PCDHGA3: variants seen among roughly 807,000 people sequenced by gnomAD.
PCDHGA3 encodes protocadherin gamma-A3.
Under a neutral mutation model 58.5 loss-of-function variants are expected in PCDHGA3, and 40 were observed. The observed-to-expected ratio is 0.68, with a 90% confidence interval of 0.53 to 0.89. The LOEUF is 0.89. Among genes scored for constraint, PCDHGA3 ranks in the 40% least tolerant of loss-of-function variants. PCDHGA3 has a pLI of 0.00. For synonymous variants in PCDHGA3, 530 were observed against 525.7 expected (o/e 1.01, Z -0.11); for missense variants, 1,223 against 1,195.9 (o/e 1.02, Z -0.33).
chr5:141,457,701 G>A (rs1341216514), intron 1 of PCDHGA3, among the ~76,000 whole-genome samples: 1 of 152,222 alleles, frequency 6.6e-6, no homozygotes, highest in Admixed American at 6.5e-5. Context: ...TGGCTTTGAT[G>A]AAACACTGTT....
At chr5:141,454,796 ATTTTTTT>A (rs61612330) in intron 1 of PCDHGA3, among the ~76,000 whole-genome samples, 2,943 of 77,244 alleles carry the variant, frequency 0.038, 52 homozygotes, top group African/African-American at 0.09. Context: ...CATGGTTCTA[ATTTTTTT>A]TTTTTTTTTT....
intron 1 of PCDHGA3, among the ~76,000 whole-genome samples, chr5:141,358,954 AT>A (rs1761073251): frequency 6.6e-6 from 1 of 152,182 alleles, no homozygotes; most frequent in South Asian, 2.1e-4. Flanking sequence ...TTGTGCTTTC[AT>A]TTAGGTTCTG....
At chr5:141,458,459 A>G (rs1232004043) in intron 1 of PCDHGA3, among the ~76,000 whole-genome samples, 1 of 152,006 alleles carries the variant, frequency 6.6e-6, no homozygotes, top group African/African-American at 2.4e-5. Flanking sequence ...AATTTTTAAA[A>G]TACCGTACAA....
At chr5:141,505,323 G>C in intron 2 of PCDHGA3, 70 bp from the exon 3 acceptor site, 1 of 1,606,758 alleles carries the variant, frequency 6.2e-7, no homozygotes, top group South Asian at 1.1e-5. Flanking sequence ...GGGAGCCCTG[G>C]GAGAGGACAG....
At chr5:141,503,675 T>C (rs1233495836) in intron 2 of PCDHGA3, among the ~76,000 whole-genome samples, 1 of 152,104 alleles carries the variant, frequency 6.6e-6, no homozygotes. Flanking sequence ...CTTCCCACTT[T>C]TGGGAAGGAG....
chr5:141,350,598 T>C (rs1325007688), intron 1 of PCDHGA3: 5 of 1,613,884 alleles, frequency 3.1e-6, no homozygotes, highest in Admixed American at 1.7e-5. Context: ...CCAATGAATG[T>C]TTTCCACGTG....
chr5:141,409,188 C>T lies in PCDHGA3; in HGVS notation c.2424+62731C>T, dbSNP rs1487313582. ...GCGAAGGACGGAGGTGGTCTCTCTA[C>T]CCAGTGTAAAGTAATCATAGAAATC... On this transcript the variant is annotated intron_variant, in intron 1 of 3. Transcript: ENST00000253812. 9 of 1,613,880 alleles carry T rather than the reference C, an allele frequency of 5.6e-6. No homozygotes were observed. In the Admixed American group the frequency reaches 8.3e-5, roughly 15 times the overall value.
chr5:141,356,031 G>A (rs759003895), intron 1 of PCDHGA3: 23 of 1,613,836 alleles, frequency 1.4e-5, no homozygotes, highest in Non-Finnish European at 1.6e-5. Flanking sequence ...ATGGAGACGT[G>A]ACGTATTCTT....
rs1761787404 is a variant in PCDHGA3 at position 141,360,887 on chromosome 5, T to C, written c.2424+14430T>C. The C allele has an allele frequency of 2.5e-6, 4 of 1,613,900 alleles. No individual in the cohort carries two copies. The South Asian group carries it at 4.4e-5, about 18-fold the overall frequency. ...AGCCAGGACGTGTACAGGGTCACCC[T>C]GAGGGAGGACGTGCCGCCGGGCTTC... On this transcript the variant is annotated intron_variant, in intron 1 of 3. Transcript: ENST00000253812.
chr5:141,375,038 G>A (rs1771073387), intron 1 of PCDHGA3: 1 of 1,614,038 alleles, frequency 6.2e-7, no homozygotes, highest in Non-Finnish European at 8.5e-7. Context: ...TGAGCTGGGT[G>A]TTGAAGCCCG....
chr5:141,431,719 A>G lies in PCDHGA3; in HGVS notation c.2425-63088A>G. On this transcript the variant is annotated intron_variant, in intron 1 of 3. Transcript: ENST00000253812. This position sits in a 1 kb window ranked among gnomAD's most constrained non-coding sequence, Gnocchi z 4.8. ...CAGGATTCTACCAGATGGAAGTGCA[A>G]GCAATGGATAATGCAGGATATTCTG... 6.2e-7 allele frequency: 1 copy of G among 1,614,244 alleles called. No individual in the cohort carries two copies. Among genetic ancestry groups the G allele is most frequent in the Non-Finnish European group, 8.5e-7 (1 of 1,180,050 alleles).
In PCDHGA3 at chr5:141,409,031, A is replaced by G. The variant is rs748995883; in HGVS notation, c.2424+62574A>G. The G allele has an allele frequency of 1.2e-6, 2 of 1,614,032 alleles. No individual in the cohort carries two copies. The highest frequency in any genetic ancestry group is 1.7e-6 in the Non-Finnish European group (2 of 1,179,904). The stretch of plus-strand genomic sequence containing the variant: ...CCAGGATGAGGGGGTCAATGCTGAG[A>G]TAAACTACTACTTCCGAAGCACTGC... On this transcript the variant is annotated intron_variant, in intron 1 of 3. Transcript: ENST00000253812.
rs760878091 is a variant in PCDHGA3 at position 141,476,406 on chromosome 5, T to A, written c.2425-18401T>A. The A allele has an allele frequency of 6.2e-7, 1 of 1,614,054 alleles. No individual in the cohort carries two copies. The highest frequency in any genetic ancestry group is 8.5e-7 in the Non-Finnish European group (1 of 1,180,002). On this transcript the variant is annotated intron_variant, in intron 1 of 3. Transcript: ENST00000253812. The surrounding 1 kb of genome is among the most constrained non-coding windows in gnomAD (Gnocchi z 7.6). Reference sequence around the variant, plus strand: ...AACGACCGTCTGGATCGAGAGGAGCTGTGTGGGACACTGCCCTCTTGCACT... The same window carrying A: ...AACGACCGTCTGGATCGAGAGGAGCAGTGTGGGACACTGCCCTCTTGCACT...
At chr5:141,426,022 T>A (rs1174153557) in intron 1 of PCDHGA3, among the ~76,000 whole-genome samples, 3 of 152,204 alleles carry the variant, frequency 2.0e-5, no homozygotes, top group Admixed American at 2.0e-4. Flanking sequence ...GTTTTCTAAA[T>A]AGACTCAGAG....
Position 141,408,922 on chromosome 5 carries a change from G to A in PCDHGA3, c.2424+62465G>A, listed in dbSNP as rs762449366. ...TCAAGGATACCAATGATAACCCCCC[G>A]GTTTTCAGCAGAGACGAATATAGAA... On this transcript the variant is annotated intron_variant, in intron 1 of 3. Coordinates refer to ENST00000253812, the MANE Select transcript of PCDHGA3 (RefSeq NM_018916.4). 3.7e-6 allele frequency: 6 copies of A among 1,613,104 alleles called. No homozygotes were observed. In the Admixed American group the frequency reaches 8.3e-5, roughly 22 times the overall value.
At position 141,477,891 on chromosome 5, in the gene PCDHGA3, G is replaced by A. The variant is rs750359063; in HGVS notation, c.2425-16916G>A. 130 of 1,614,066 alleles carry A rather than the reference G, an allele frequency of 8.1e-5. 1 individual carries two copies. The highest frequency in any genetic ancestry group is 1.1e-4 in the Non-Finnish European group (125 of 1,180,050). On this transcript the variant is annotated intron_variant, in intron 1 of 3. Coordinates refer to ENST00000253812, the MANE Select transcript of PCDHGA3 (RefSeq NM_018916.4). The surrounding 1 kb of genome is among the most constrained non-coding windows in gnomAD (Gnocchi z 4.9). The stretch of plus-strand genomic sequence containing the variant: ...ACCTCAGCTGGCCACCTAGTGTCAC[G>A]GGTGGTAGGCTGGGACGCGGATGCA...
intron 1 of PCDHGA3, chr5:141,355,527 T>G (rs763714281): frequency 6.2e-7 from 1 of 1,614,060 alleles, no homozygotes; most frequent in Non-Finnish European, 8.5e-7. Flanking sequence ...TGGAGATTCT[T>G]CTAGAAGATA....
rs759439765 is a variant in PCDHGA3 at position 141,478,199 on chromosome 5, C to A, written c.2425-16608C>A. ...GAAAAAAAATCTCACCTTTTATCTA[C>A]TTCTTTCTCTAATCCTGGTTTCTGT... On this transcript the variant is annotated intron_variant, in intron 1 of 3. Coordinates refer to ENST00000253812, the MANE Select transcript of PCDHGA3 (RefSeq NM_018916.4). The A allele has an allele frequency of 3.8e-5, 62 of 1,613,938 alleles. No homozygotes were observed. Among genetic ancestry groups the A allele is most frequent in the Non-Finnish European group, 5.0e-5 (59 of 1,180,046 alleles).
intron 1 of PCDHGA3, chr5:141,426,867 G>A (rs1436078091): frequency 4.4e-6 from 2 of 456,708 alleles, no homozygotes; most frequent in Non-Finnish European, 8.8e-6. Flanking sequence ...ATTAGTGCTG[G>A]AGAAGCCCCT....
Sources: allele counts gnomAD v4.1 joint callset (sites outside exome capture counted in the v4.1 genomes callset), GRCh38; gene constraint gnomAD v4.1.1; non-coding constraint Gnocchi (gnomAD v3.1); transcripts MANE v1.5; gene names NCBI Gene and HGNC (gene_info 2026-07-23, HGNC 2026-07-21).